DGKK: variants seen among roughly 807,000 people sequenced by gnomAD.
DGKK encodes the protein diacylglycerol kinase kappa, also known as 142 kDa diacylglycerol kinase.
A neutral mutation model predicts 92.2 loss-of-function variants in DGKK; 35 were observed. The ratio of observed to expected loss-of-function variants is 0.38; its 90% CI spans 0.29 to 0.50. The LOEUF (loss-of-function observed/expected upper bound fraction) is 0.50, where lower values mean the gene tolerates loss of function less well. Ranked by LOEUF, DGKK falls within the 20% of genes least tolerant of loss-of-function variation. The pLI, the probability that DGKK is intolerant of heterozygous loss-of-function variation, is 0.92. For synonymous variants in DGKK, 368 were observed against 360.6 expected, an observed-to-expected ratio of 1.02 and a Z score of -0.23; for missense variants, 910 against 992.2, an observed-to-expected ratio of 0.92 and a Z score of 1.11.
chrX:50,456,202 T>C (rs1461661867), intron 1 of DGKK, among the ~76,000 whole-genome samples: 1 of 112,006 alleles, frequency 8.9e-6, no homozygotes, highest in African/African-American at 3.2e-5. Flanking sequence ...CATTTCAAGG[T>C]CAGGGTGCTA....
chrX:50,374,875 C>T (rs1557223626), intron 25 of DGKK, 96 bp downstream of exon 25: 5 of 757,945 alleles, frequency 6.6e-6, no homozygotes, highest in Non-Finnish European at 9.8e-6. Flanking sequence ...CCAAAATGCT[C>T]CCACGGGTCT....
intron 22 of DGKK, among the ~76,000 whole-genome samples, chrX:50,377,841 A>C (rs1475588336): frequency 1.8e-5 from 2 of 111,632 alleles, no homozygotes; most frequent in Non-Finnish European, 3.8e-5. Context: ...CAGTGTTTGC[A>C]AATGTCAGTA....
intron 4 of DGKK, among the ~76,000 whole-genome samples, chrX:50,406,887 G>A (rs1602281779): frequency 1.8e-5 from 2 of 111,697 alleles, no homozygotes; most frequent in Admixed American, 9.5e-5. Context: ...GGGTGCTGCT[G>A]TAACAAATAC....
chrX:50,431,977 G>A (rs782408098), intron 1 of DGKK, among the ~76,000 whole-genome samples: 1 of 111,898 alleles, frequency 8.9e-6, no homozygotes, highest in Non-Finnish European at 1.9e-5. Flanking sequence ...GTCACTTGTG[G>A]ATTGTGGAGC....
intron 1 of DGKK, among the ~76,000 whole-genome samples, chrX:50,433,832 C>G (rs911893121): frequency 9.0e-6 from 1 of 111,147 alleles, no homozygotes; most frequent in Admixed American, 9.5e-5. Flanking sequence ...AGAAAAGAAG[C>G]GTTTTGGTCA....
intron 4 of DGKK, among the ~76,000 whole-genome samples, chrX:50,409,846 C>T (rs1280381663): frequency 3.3e-4 from 36 of 110,635 alleles, no homozygotes; most frequent in Non-Finnish European, 5.7e-5. Context: ...CCTCATGAAT[C>T]GAATTAGTGC....
At chrX:50,417,080 C>G (rs1410891347) in intron 4 of DGKK, among the ~76,000 whole-genome samples, 1 of 105,414 alleles carries the variant, frequency 9.5e-6, no homozygotes, top group African/African-American at 3.5e-5. Flanking sequence ...ATAAGCTTTT[C>G]AAGTTGAAAG....
At chrX:50,445,522 A>T (rs1557231733) in intron 1 of DGKK, among the ~76,000 whole-genome samples, 1 of 111,077 alleles carries the variant, frequency 9.0e-6, no homozygotes, top group African/African-American at 3.3e-5. Context: ...TCCCAGCATC[A>T]CTTATTTAAT....
intron 1 of DGKK, among the ~76,000 whole-genome samples, chrX:50,440,130 T>C (rs782589075): frequency 1.8e-5 from 2 of 111,816 alleles, no homozygotes; most frequent in East Asian, 5.7e-4. Context: ...GAGTTGAAAA[T>C]ATCCTCTTCT....
chrX:50,466,248 A>T (rs1040508436), intron 1 of DGKK, among the ~76,000 whole-genome samples: 11 of 110,387 alleles, frequency 1.0e-4, no homozygotes, highest in African/African-American at 3.6e-4. Context: ...AAAGCTTGGC[A>T]AGGAGGGGGG....
At chrX:50,383,626 T>C (rs1010925324) in intron 17 of DGKK, among the ~76,000 whole-genome samples, 2 of 111,129 alleles carry the variant, frequency 1.8e-5, no homozygotes, top group Non-Finnish European at 3.8e-5. Flanking sequence ...GAGATTGGAG[T>C]TTCTCTAACT....
At chrX:50,435,117 A>G (rs947798771) in intron 1 of DGKK, among the ~76,000 whole-genome samples, 5 of 112,590 alleles carry the variant, frequency 4.4e-5, no homozygotes, top group Non-Finnish European at 9.4e-5. Flanking sequence ...GAAAAGGTAC[A>G]GTAAATATAC....
intron 1 of DGKK, 55 bp from the exon 2 acceptor site, chrX:50,424,413 A>T: frequency 4.7e-6 from 5 of 1,057,751 alleles, no homozygotes; most frequent in Non-Finnish European, 6.5e-6. Context: ...AGGTCATATC[A>T]CTTGTTTTCT....
At chrX:50,453,502 C>T (rs1007471646) in intron 1 of DGKK, among the ~76,000 whole-genome samples, 1 of 111,412 alleles carries the variant, frequency 9.0e-6, no homozygotes, top group Non-Finnish European at 1.9e-5. Context: ...TCTCTGAAGG[C>T]TCATTCTGCA....
chrX:50,426,128 C>T (rs1420611107), intron 1 of DGKK, among the ~76,000 whole-genome samples: 1 of 112,125 alleles, frequency 8.9e-6, no homozygotes, highest in Non-Finnish European at 1.9e-5. Context: ...ACTTGTTCTG[C>T]TCTGTTAAAA....
intron 1 of DGKK, among the ~76,000 whole-genome samples, chrX:50,459,830 T>C (rs976467485): frequency 2.7e-5 from 3 of 111,329 alleles, no homozygotes; most frequent in Admixed American, 9.5e-5. Flanking sequence ...TAAGCATTAA[T>C]TGAGGTTAGT....
At chrX:50,411,328 A>G (rs1925299105) in intron 4 of DGKK, among the ~76,000 whole-genome samples, 1 of 112,481 alleles carries the variant, frequency 8.9e-6, no homozygotes, top group Non-Finnish European at 1.9e-5. Flanking sequence ...AATATTAGCA[A>G]ACTGAATTTA....
In DGKK at chrX:50,390,377, T is replaced by C; in HGVS notation, c.1877A>G (p.Gln626Arg). ...AACCTGTCCTTTTAGCAGCGGGGTTTGTCTGGGAGTCTCACGAATCATCAC... is the reference window on the plus strand; with the variant it reads ...AACCTGTCCTTTTAGCAGCGGGGTTCGTCTGGGAGTCTCACGAATCATCAC... ...WSVMIRETPR[Q>R]TPLLKGQVEM... The change falls in exon 12 of 28, where the codon CAA (glutamine) becomes CGA (arginine). Residue 626 changes from glutamine to arginine, a missense_variant. By Grantham distance (43) the Gln-to-Arg change is conservative (BLOSUM62 1). Transcript: ENST00000611977. 1.7e-6 allele frequency: 2 copies of C among 1,209,710 alleles called. No individual in the cohort carries two copies. Among genetic ancestry groups the C allele is most frequent in the Non-Finnish European group, 2.2e-6 (2 of 894,723 alleles).
chrX:50,468,214 G>C (rs1216242917), intron 1 of DGKK, among the ~76,000 whole-genome samples: 2 of 112,192 alleles, frequency 1.8e-5, no homozygotes, highest in Non-Finnish European at 3.8e-5. Context: ...CTTTTCACTG[G>C]GGGAAGGGTC....
Sources: gnomAD v4.1 joint callset for allele counts (sites outside exome capture counted in the v4.1 genomes callset) on GRCh38, gnomAD v4.1.1 for gene constraint, MANE v1.5 for transcripts, NCBI Gene and HGNC (gene_info 2026-07-23, HGNC 2026-07-21) for gene names.